RPS6KB1: variants seen among roughly 807,000 people sequenced by gnomAD.
RPS6KB1 encodes the protein ribosomal protein S6 kinase beta-1.
A neutral mutation model predicts 70.2 loss-of-function variants in RPS6KB1; 12 were observed. That is an observed-to-expected ratio of 0.17 (90% confidence interval 0.11 to 0.28). RPS6KB1 has a LOEUF of 0.28. RPS6KB1 is among the 10% of genes least tolerant of loss of function. The pLI is 1.00. For missense variants in RPS6KB1, 270 were observed against 646.6 expected (o/e 0.42, Z 6.32); for synonymous variants, 175 against 211.2 (o/e 0.83, Z 1.49).
intron 1 of RPS6KB1, among the ~76,000 whole-genome samples, chr17:59,910,103 CTG>C (rs2144769660): frequency 6.6e-6 from 1 of 151,744 alleles, no homozygotes; most frequent in African/African-American, 2.4e-5. Flanking sequence ...AGGAGAAACA[CTG>C]GAACCTGGGA....
chr17:59,938,699 T>TTGTGTGTGTGTGTG (rs58751297), intron 12 of RPS6KB1, among the ~76,000 whole-genome samples: 67 of 138,168 alleles, frequency 4.8e-4, no homozygotes, highest in South Asian at 1.8e-3. Context: ...AATGTGTAGT[T>TTGTGTGTGTGTGTG]TGTGTGTGTG....
chr17:59,921,494 G>C (rs969686270), intron 4 of RPS6KB1, among the ~76,000 whole-genome samples: 2 of 152,154 alleles, frequency 1.3e-5, no homozygotes, highest in Non-Finnish European at 2.9e-5. Context: ...TGGAGGCAGA[G>C]TACTAACCCC....
intron 1 of RPS6KB1, among the ~76,000 whole-genome samples, chr17:59,904,928 C>T (rs1261141592): frequency 6.6e-6 from 1 of 152,034 alleles, no homozygotes; most frequent in Non-Finnish European, 1.5e-5. Context: ...AACTCCTGAC[C>T]TTGTGATCTG....
chr17:59,922,355 T>C (rs1264615849), intron 4 of RPS6KB1, among the ~76,000 whole-genome samples: 3 of 151,914 alleles, frequency 2.0e-5, no homozygotes, highest in Non-Finnish European at 4.4e-5. Context: ...TTTCCTTTTG[T>C]AGTTAACAAG....
At chr17:59,928,722 A>C (rs2043767890) in intron 5 of RPS6KB1, among the ~76,000 whole-genome samples, 2 of 152,232 alleles carry the variant, frequency 1.3e-5, no homozygotes, top group Non-Finnish European at 2.9e-5. Context: ...GAAATAGGAA[A>C]TTAACATTGA....
chr17:59,914,571 G>A (rs2042832685), intron 3 of RPS6KB1, 64 bp from the exon 4 acceptor site: 1 of 1,153,280 alleles, frequency 8.7e-7, no homozygotes, highest in African/African-American at 1.5e-5. Context: ...CTTATAACTA[G>A]GAATTAAGGG....
At position 59,950,439 on chromosome 17, in the gene RPS6KB1, ATTT is replaced by A. The variant is rs998186180; in HGVS notation, c.*3656_*3658del. ...GAATGAACATAAATAGAAGTGATTTATTTTTTTATTATCTTAAAGATAGGAAGG... is the reference window on the plus strand; with the variant it reads ...GAATGAACATAAATAGAAGTGATTTATTTTATTATCTTAAAGATAGGAAGG... On this transcript the variant is annotated 3_prime_UTR_variant, in exon 15 of 15. Coordinates refer to ENST00000225577, the MANE Select transcript of RPS6KB1 (RefSeq NM_003161.4). 1 of 152,512 alleles carries A rather than the reference ATTT, an allele frequency of 6.6e-6. No individual in the cohort carries two copies. Among genetic ancestry groups the A allele is most frequent in the Non-Finnish European group, 1.5e-5 (1 of 67,944 alleles). 9.4% of individuals were successfully genotyped at this position (152,512 alleles called of 1,614,324 possible).
chr17:59,924,417 A>T (rs1396447610), intron 4 of RPS6KB1, among the ~76,000 whole-genome samples: 2 of 152,098 alleles, frequency 1.3e-5, no homozygotes, highest in Non-Finnish European at 2.9e-5. Flanking sequence ...AAATTTGTGT[A>T]TTCCTATTGT....
intron 1 of RPS6KB1, among the ~76,000 whole-genome samples, chr17:59,894,981 TTTTTC>T (rs60799718): frequency 0.19 from 28,823 of 150,898 alleles, 2,913 homozygotes; most frequent in East Asian, 0.39. Context: ...AGTTGTGTGC[TTTTTC>T]TTTTCTTTTC....
chr17:59,901,891 C>T (rs1036384150), intron 1 of RPS6KB1, among the ~76,000 whole-genome samples: 11 of 150,476 alleles, frequency 7.3e-5, no homozygotes, highest in East Asian at 2.0e-4. Flanking sequence ...TGGTGGTGTG[C>T]GGCTGTAGTC....
intron 4 of RPS6KB1, among the ~76,000 whole-genome samples, chr17:59,917,003 G>C (rs1005345250): frequency 6.6e-6 from 1 of 152,098 alleles, no homozygotes; most frequent in Admixed American, 6.6e-5. Flanking sequence ...TTGGCATTCT[G>C]ATTCCCAGTC....
At chr17:59,904,240 C>T (rs1010254328) in intron 1 of RPS6KB1, among the ~76,000 whole-genome samples, 3 of 150,374 alleles carry the variant, frequency 2.0e-5, no homozygotes, top group Non-Finnish European at 3.0e-5. Flanking sequence ...ACCAACACGT[C>T]CGGCTAATTT....
chr17:59,900,459 G>A (rs912330111), intron 1 of RPS6KB1, among the ~76,000 whole-genome samples: 1 of 151,836 alleles, frequency 6.6e-6, no homozygotes, highest in Non-Finnish European at 1.5e-5. Flanking sequence ...TCCACCTCCT[G>A]GGTTCAAGCG....
intron 4 of RPS6KB1, among the ~76,000 whole-genome samples, chr17:59,917,541 G>A (rs532496826): frequency 1.3e-5 from 2 of 152,176 alleles, no homozygotes; most frequent in African/African-American, 2.4e-5. Flanking sequence ...GGGCTCAAGC[G>A]ATCCTCCTGC....
Position 59,934,339 on chromosome 17 carries a change from G to T in RPS6KB1, c.779+79G>T, listed in dbSNP as rs1568482477. The T allele has an allele frequency of 2.8e-6, 4 of 1,450,372 alleles. No homozygotes were observed. Among genetic ancestry groups the T allele is most frequent in the Non-Finnish European group, 3.9e-6 (4 of 1,031,784 alleles). 89.8% of individuals were successfully genotyped at this position (1,450,372 alleles called of 1,614,324 possible). On this transcript the variant is annotated intron_variant, in intron 8 of 14. Coordinates refer to ENST00000225577, the MANE Select transcript of RPS6KB1 (RefSeq NM_003161.4). This position sits in a 1 kb window ranked among gnomAD's most constrained non-coding sequence, Gnocchi z 4.8. The stretch of plus-strand genomic sequence containing the variant: ...TTTTAAGGAATAGTATCTGTTTTCT[G>T]TACCCTCATTGACTCTGTATATTGT...
chr17:59,926,203 T>A (rs2043597360), intron 4 of RPS6KB1, among the ~76,000 whole-genome samples: 1 of 152,198 alleles, frequency 6.6e-6, no homozygotes, highest in African/African-American at 2.4e-5. Flanking sequence ...GATTTCTTTT[T>A]TAAAAAGTCT....
At chr17:59,921,624 T>C (rs1195748656) in intron 4 of RPS6KB1, among the ~76,000 whole-genome samples, 1 of 152,190 alleles carries the variant, frequency 6.6e-6, no homozygotes, top group Non-Finnish European at 1.5e-5. Flanking sequence ...TCTGGATTTA[T>C]TAGTTCTCCT....
chr17:59,936,156 GAA>G lies in RPS6KB1; in HGVS notation c.979-49_979-48del. 16 of 1,204,436 alleles carry G rather than the reference GAA, an allele frequency of 1.3e-5. No individual in the cohort carries two copies. The Admixed American group carries it at 1.8e-4, about 13-fold the overall frequency. The allele number at this position is 1,204,436 out of a possible 1,614,324, so 74.6% of individuals were successfully genotyped here. ...AAGTAGACAAGCACAGTCTAAAAAG[GAA>G]AAAAAAAAATCAGTTTGACTAAGGT... On this transcript the variant is annotated intron_variant, in intron 10 of 14. Transcript: ENST00000225577.
intron 1 of RPS6KB1, among the ~76,000 whole-genome samples, chr17:59,895,318 C>CT (rs71145587): frequency 0.12 from 12,145 of 105,460 alleles, 1,303 homozygotes; most frequent in East Asian, 0.24. Context: ...CTGCGCCTGG[C>CT]TTTTTTTTTT....
Sources: gnomAD v4.1 joint callset for allele counts (sites outside exome capture counted in the v4.1 genomes callset) on GRCh38, gnomAD v4.1.1 for gene constraint, Gnocchi (gnomAD v3.1) non-coding constraint, MANE v1.5 for transcripts, NCBI Gene and HGNC (gene_info 2026-07-23, HGNC 2026-07-21) for gene names.